Variants in CCDC172 observed in about 807,000 individuals in gnomAD.
The protein encoded by CCDC172 is coiled-coil domain containing 172.
CCDC172 carries 30 observed loss-of-function variants against 38.0 expected under a neutral mutation model. The observed-to-expected ratio is 0.79, with a 90% CI of 0.59 to 1.07. The LOEUF (loss-of-function observed/expected upper bound fraction) is 1.07. Among genes scored for constraint, CCDC172 ranks in the 50% least tolerant of loss-of-function variants. The pLI is 0.00. For synonymous variants in CCDC172, 78 were observed against 88.3 expected (o/e 0.88, Z 0.66); for missense variants, 297 against 290.1 (o/e 1.02, Z -0.17).
At chr10:116,357,016 A>G (rs1057166722) in intron 5 of CCDC172, among the ~76,000 whole-genome samples, 4 of 152,148 alleles carry the variant, frequency 2.6e-5, no homozygotes, top group African/African-American at 9.7e-5. Flanking sequence ...TTACTACATG[A>G]GAAAACGTTA....
At chr10:116,374,774 A>G (rs1845226108) in intron 7 of CCDC172, among the ~76,000 whole-genome samples, 1 of 152,092 alleles carries the variant, frequency 6.6e-6, no homozygotes, top group East Asian at 1.9e-4. Flanking sequence ...ACTATATTAA[A>G]TGAAAATGGT....
chr10:116,329,929 C>T (rs540298680), intron 3 of CCDC172, among the ~76,000 whole-genome samples: 12 of 152,228 alleles, frequency 7.9e-5, no homozygotes, highest in Non-Finnish European at 1.3e-4. Flanking sequence ...ATATTGTGTA[C>T]GATCACATGG....
At chr10:116,372,355 GT>G (rs752745727) in intron 7 of CCDC172, among the ~76,000 whole-genome samples, 2 of 151,948 alleles carry the variant, frequency 1.3e-5, no homozygotes, top group East Asian at 3.9e-4. Context: ...TTACCTTTTA[GT>G]ATACAGTGAA....
intron 5 of CCDC172, among the ~76,000 whole-genome samples, chr10:116,349,616 C>T (rs765038679): frequency 2.0e-5 from 3 of 152,088 alleles, no homozygotes; most frequent in Non-Finnish European, 4.4e-5. Flanking sequence ...TAAATTTTCA[C>T]AGAGAGAGGA....
intron 7 of CCDC172, among the ~76,000 whole-genome samples, chr10:116,361,765 T>C (rs1043800853): frequency 6.6e-6 from 1 of 152,244 alleles, no homozygotes; most frequent in Admixed American, 6.5e-5. Context: ...AAGTTGGTCA[T>C]AGAGGTCACA....
At chr10:116,358,292 G>T (rs190898322) in intron 7 of CCDC172, among the ~76,000 whole-genome samples, 1 of 151,940 alleles carries the variant, frequency 6.6e-6, no homozygotes, top group South Asian at 2.1e-4. Context: ...AGATTCCAGC[G>T]GTGGGAGGAA....
At chr10:116,355,709 C>T (rs1844987252) in intron 5 of CCDC172, among the ~76,000 whole-genome samples, 1 of 151,990 alleles carries the variant, frequency 6.6e-6, no homozygotes, top group African/African-American at 2.4e-5. Context: ...GTGATAGAAG[C>T]CAGATGCAAA....
At chr10:116,329,187 C>G (rs368721548) in intron 3 of CCDC172, among the ~76,000 whole-genome samples, 2 of 152,076 alleles carry the variant, frequency 1.3e-5, no homozygotes, top group East Asian at 1.9e-4. Context: ...ATAAAGAAAG[C>G]CTTATCATGT....
chr10:116,371,534 AGTG>A (rs1347567787), intron 7 of CCDC172, among the ~76,000 whole-genome samples: 1 of 151,952 alleles, frequency 6.6e-6, no homozygotes, highest in Non-Finnish European at 1.5e-5. Context: ...GTCTGCTATC[AGTG>A]TTATGCTTGC....
intron 3 of CCDC172, among the ~76,000 whole-genome samples, chr10:116,329,528 T>C (rs1844631832): frequency 6.6e-6 from 1 of 152,162 alleles, no homozygotes; most frequent in Non-Finnish European, 1.5e-5. Context: ...CAAATCTTGA[T>C]GGTTGGTTAG....
intron 7 of CCDC172, among the ~76,000 whole-genome samples, chr10:116,377,040 G>C (rs1163829074): frequency 6.6e-6 from 1 of 152,120 alleles, no homozygotes; most frequent in African/African-American, 2.4e-5. Flanking sequence ...GTATGGGGTA[G>C]GGGGAGAGGG....
At chr10:116,372,985 T>A (rs1475042312) in intron 7 of CCDC172, among the ~76,000 whole-genome samples, 2 of 152,164 alleles carry the variant, frequency 1.3e-5, no homozygotes, top group Non-Finnish European at 2.9e-5. Context: ...TCAAGTTGAT[T>A]GAATTTCTTG....
chr10:116,343,126 A>G (rs552126187), intron 5 of CCDC172, among the ~76,000 whole-genome samples: 10 of 152,200 alleles, frequency 6.6e-5, no homozygotes, highest in African/African-American at 2.2e-4. Flanking sequence ...TCAGTTTTCA[A>G]ACTTCAGAGA....
chr10:116,357,745 C>A, intron 6 of CCDC172, 91 bp from the exon 7 acceptor site: 1 of 735,356 alleles, frequency 1.4e-6, no homozygotes, highest in Non-Finnish European at 2.2e-6. Context: ...TATGCAAGCA[C>A]CAAAAATTAG....
At chr10:116,345,466 C>A (rs925290639) in intron 5 of CCDC172, among the ~76,000 whole-genome samples, 2 of 151,974 alleles carry the variant, frequency 1.3e-5, no homozygotes, top group Middle Eastern at 3.4e-3. Context: ...GAATCATGAA[C>A]CGTAAAAAGA....
intron 7 of CCDC172, among the ~76,000 whole-genome samples, chr10:116,360,348 CTT>C (rs550132245): frequency 1.7e-3 from 255 of 152,264 alleles, no homozygotes; most frequent in Non-Finnish European, 2.7e-3. Flanking sequence ...TTCTTTCACT[CTT>C]TGCATCTTGC....
At chr10:116,368,479 A>C (rs1315468667) in intron 7 of CCDC172, among the ~76,000 whole-genome samples, 2 of 151,894 alleles carry the variant, frequency 1.3e-5, no homozygotes, top group African/African-American at 4.8e-5. Context: ...GCACCTTTTA[A>C]AGTTACATGG....
At chr10:116,349,834 G>A (rs1402947954) in intron 5 of CCDC172, among the ~76,000 whole-genome samples, 1 of 152,106 alleles carries the variant, frequency 6.6e-6, no homozygotes, top group East Asian at 1.9e-4. Context: ...AGGGAGGGAA[G>A]AGGGATAGAT....
At chr10:116,345,899 TAAC>T (rs1844860004) in intron 5 of CCDC172, among the ~76,000 whole-genome samples, 3 of 152,110 alleles carry the variant, frequency 2.0e-5, no homozygotes, top group Admixed American at 2.0e-4. Context: ...TGCAGTTTCT[TAAC>T]AAGCTAAATG....
Sources: gnomAD v4.1 joint callset for allele counts (sites outside exome capture counted in the v4.1 genomes callset) on GRCh38, gnomAD v4.1.1 for gene constraint, MANE v1.5 for transcripts, NCBI Gene and HGNC (gene_info 2026-07-23, HGNC 2026-07-21) for gene names.